Variants in CLEC16A observed in about 807,000 individuals in gnomAD.
The protein encoded by CLEC16A is C-type lectin domain containing 16A.
In CLEC16A, 51 loss-of-function variants were observed where a neutral mutation model predicts 109.5. That is an observed-to-expected ratio of 0.47 (90% CI 0.37 to 0.59). The LOEUF is 0.59. CLEC16A is among the 20% of genes least tolerant of loss of function. CLEC16A has a pLI of 0.00. For synonymous variants in CLEC16A, 673 were observed against 564.2 expected, an observed-to-expected ratio of 1.19 and a Z score of -2.73; for missense variants, 1,339 against 1,394.0, an observed-to-expected ratio of 0.96 and a Z score of 0.63.
intron 19 of CLEC16A, among the ~76,000 whole-genome samples, chr16:11,088,219 C>G (rs1194770791): frequency 6.6e-6 from 1 of 152,240 alleles, no homozygotes; most frequent in Non-Finnish European, 1.5e-5. Flanking sequence ...TCCTCCTGCA[C>G]TTCTGCAGCA....
At position 11,174,780 on chromosome 16, in the gene CLEC16A, G is replaced by A. The variant is rs1367873128; in HGVS notation, c.2807-3555G>A. Among the ~76,000 whole-genome samples the A allele has an allele frequency of 6.6e-6, 1 of 152,230 alleles. No homozygotes were observed. Among genetic ancestry groups the A allele is most frequent in the African/African-American group, 2.4e-5 (1 of 41,452 alleles). ...TAAGATAAGTGGCAAATTCAGTCCT[G>A]TTTTGACCGGAAGCCAAGAGCCATT... On this transcript the variant is annotated intron_variant, in intron 23 of 23. Transcript: ENST00000409790. The surrounding 1 kb of genome is among the most constrained non-coding windows in gnomAD (Gnocchi z 4.7).
intron 10 of CLEC16A, among the ~76,000 whole-genome samples, chr16:11,000,560 C>T (rs995223120): frequency 6.6e-6 from 1 of 152,100 alleles, no homozygotes; most frequent in African/African-American, 2.4e-5. Flanking sequence ...AGGCTGCATT[C>T]GATCACCCGG....
At chr16:11,137,323 A>C (rs990890580) in intron 22 of CLEC16A, among the ~76,000 whole-genome samples, 2 of 152,082 alleles carry the variant, frequency 1.3e-5, no homozygotes, top group Non-Finnish European at 2.9e-5. Flanking sequence ...CCTAGCCCTT[A>C]ATTCTGTATG....
intron 12 of CLEC16A, chr16:11,024,505 A>G (rs530119873): frequency 3.3e-4 from 94 of 287,082 alleles, no homozygotes; most frequent in African/African-American, 1.9e-3. Flanking sequence ...TTCTGTGTCT[A>G]CCAGCTGACA....
At chr16:11,092,614 G>A (rs1276768330) in intron 19 of CLEC16A, among the ~76,000 whole-genome samples, 5 of 152,170 alleles carry the variant, frequency 3.3e-5, no homozygotes, top group East Asian at 3.8e-4. Flanking sequence ...TTCCTTGAAC[G>A]TTTTTGCAAA....
intron 23 of CLEC16A, among the ~76,000 whole-genome samples, chr16:11,177,661 G>A (rs2068808800): frequency 6.6e-6 from 1 of 151,886 alleles, no homozygotes. Context: ...AACTGCGTTG[G>A]GTGGAACCTC....
chr16:11,110,587 G>A (rs942052916), intron 19 of CLEC16A, among the ~76,000 whole-genome samples: 1 of 152,204 alleles, frequency 6.6e-6, no homozygotes, highest in Non-Finnish European at 1.5e-5. Context: ...GGGTTCCAAC[G>A]AGAGAGTCAT....
intron 3 of CLEC16A, among the ~76,000 whole-genome samples, chr16:10,965,472 T>G (rs1178422091): frequency 6.6e-6 from 1 of 152,204 alleles, no homozygotes. Context: ...CTTTTCTTTT[T>G]CCCACCTTCC....
chr16:10,946,454 T>A (rs2041379209), intron 1 of CLEC16A, among the ~76,000 whole-genome samples: 1 of 151,650 alleles, frequency 6.6e-6, no homozygotes, highest in South Asian at 2.1e-4. Context: ...CAGGAGGTGG[T>A]GAGAGAAGAC....
chr16:11,006,619 G>T (rs909493307), intron 11 of CLEC16A, among the ~76,000 whole-genome samples: 1 of 152,134 alleles, frequency 6.6e-6, no homozygotes, highest in Admixed American at 6.5e-5. Context: ...TTTAAAAGAC[G>T]GGGAAAATAC....
intron 11 of CLEC16A, 140 bp downstream of exon 11, chr16:11,003,445 G>T: frequency 2.9e-6 from 2 of 680,788 alleles, no homozygotes; most frequent in East Asian, 5.5e-5. Context: ...TCACACTGGC[G>T]TACCTCATTC....
chr16:11,122,896 C>CTTTTTTTTTTTTTTT (rs1002354410), intron 20 of CLEC16A, among the ~76,000 whole-genome samples: 2 of 73,772 alleles, frequency 2.7e-5, no homozygotes, highest in Non-Finnish European at 4.7e-5. Context: ...CTATCCCTTT[C>CTTTTTTTTTTTTTTT]TTTTTTTTTT....
At position 11,179,613 on chromosome 16, in the gene CLEC16A, G is replaced by A. The variant is rs1443510904; in HGVS notation, c.*923G>A. The stretch of plus-strand genomic sequence containing the variant: ...GAGACAGCTTCCAGCACCTTCTTCA[G>A]TGTTACCATCTCTAAGAAGGAACCA... On this transcript the variant is annotated 3_prime_UTR_variant, in exon 24 of 24. Transcript: ENST00000409790. 6.6e-6 allele frequency: 1 copy of A among 152,220 alleles called. No individual in the cohort carries two copies. The highest frequency in any genetic ancestry group is 1.5e-5 in the Non-Finnish European group (1 of 68,052). 9.4% of individuals were successfully genotyped at this position (152,220 alleles called of 1,614,324 possible).
In CLEC16A at chr16:11,051,594, G is replaced by A. The variant is rs955052505; in HGVS notation, c.1948G>A (p.Asp650Asn). Residue 650 changes from aspartate to asparagine, a missense_variant, in exon 18 of 24, where the codon GAC becomes AAC. Physicochemically the swap from Asp to Asn is conservative, Grantham distance 23 (BLOSUM62 1). Transcript: ENST00000409790. ...AACAGGCACGCCACTGACGGGCATT[G>A]ACTTCGTGAAGCGGCTGCCGTGTGG... ...PPTGTPLTGI[D>N]FVKRLPCGDV... 6.2e-7 allele frequency: 1 copy of A among 1,613,956 alleles called. No homozygotes were observed. Among genetic ancestry groups the A allele is most frequent in the African/African-American group, 1.3e-5 (1 of 74,960 alleles).
chr16:10,976,662 G>A (rs1346785160), intron 7 of CLEC16A, among the ~76,000 whole-genome samples: 1 of 152,182 alleles, frequency 6.6e-6, no homozygotes, highest in African/African-American at 2.4e-5. Flanking sequence ...GCTGTTTCTG[G>A]AGTGTGAGAC....
chr16:10,945,833 A>G (rs553417323), intron 1 of CLEC16A, among the ~76,000 whole-genome samples: 3 of 151,812 alleles, frequency 2.0e-5, no homozygotes, highest in African/African-American at 7.3e-5. Context: ...GTGCTTCTCC[A>G]CTCTCTGCGA....
rs181363405 is a variant in CLEC16A at position 11,056,475 on chromosome 16, A to G, written c.1996-4427A>G. 177 of 152,326 alleles carry G rather than the reference A, an allele frequency of 1.2e-3. 3 individuals carry two copies. The highest frequency in any genetic ancestry group is 4.1e-3 in the African/African-American group (172 of 41,560). The allele number at this position is 152,326 out of a possible 1,614,324, so 9.4% of individuals were successfully genotyped here. On this transcript the variant is annotated intron_variant, in intron 18 of 23. Coordinates refer to ENST00000409790, the MANE Select transcript of CLEC16A (RefSeq NM_015226.3). ...ACCAAAGCTTAATGCCAGAGAAAAG[A>G]GAGTTAGGAATAGGATTTTTTGGTG...
intron 13 of CLEC16A, among the ~76,000 whole-genome samples, chr16:11,038,837 C>T (rs557798896): frequency 8.0e-4 from 122 of 152,184 alleles, no homozygotes; most frequent in African/African-American, 2.8e-3. Flanking sequence ...ATATGTGCAC[C>T]TTTCTGTAAG....
rs200899020 is a variant in CLEC16A at position 11,179,486 on chromosome 16, C to T, written c.*796C>T. On this transcript the variant is annotated 3_prime_UTR_variant, in exon 24 of 24. Transcript: ENST00000409790. ...CTGAATGGTTTTCTGCTATAGCAGC[C>T]GAGAGGCCTCCCATCATGGAAAGAT... 6.6e-6 allele frequency: 1 copy of T among 152,192 alleles called. No individual in the cohort carries two copies. Among genetic ancestry groups the T allele is most frequent in the African/African-American group, 2.4e-5 (1 of 41,436 alleles). 9.4% of individuals were successfully genotyped at this position (152,192 alleles called of 1,614,324 possible).
Sources: allele counts gnomAD v4.1 joint callset (sites outside exome capture counted in the v4.1 genomes callset), GRCh38; gene constraint gnomAD v4.1.1; non-coding constraint Gnocchi (gnomAD v3.1); transcripts MANE v1.5; gene names NCBI Gene and HGNC (gene_info 2026-07-23, HGNC 2026-07-21).